The following SPPL3 variants were observed in gnomAD, a reference collection of about 807,000 sequenced individuals.
SPPL3 encodes the protein signal peptide peptidase like 3.
In SPPL3, 5 loss-of-function variants were observed where a neutral mutation model predicts 42.4. That is an observed-to-expected ratio of 0.12 (90% CI 0.06 to 0.25). SPPL3 has a LOEUF of 0.25. Ranked by LOEUF, SPPL3 falls within the 10% of genes least tolerant of loss-of-function variation. The pLI, the probability that SPPL3 is intolerant of heterozygous loss-of-function variation, is 1.00. For synonymous variants in SPPL3, 195 were observed against 181.8 expected, an observed-to-expected ratio of 1.07 and a Z score of -0.58; for missense variants, 235 against 489.0, an observed-to-expected ratio of 0.48 and a Z score of 4.90.
intron 4 of SPPL3, chr12:120,784,093 T>C (rs1179808962): frequency 7.7e-6 from 2 of 261,006 alleles, no homozygotes; most frequent in East Asian, 1.7e-4. Flanking sequence ...TCACTTTGAT[T>C]AGCTATCCAT....
At chr12:120,877,355 CATTCT>C (rs1469838859) in intron 1 of SPPL3, among the ~76,000 whole-genome samples, 4 of 152,166 alleles carry the variant, frequency 2.6e-5, no homozygotes, top group Admixed American at 1.3e-4. Context: ...CTTCCCAACT[CATTCT>C]ATAAGGCCAG....
At chr12:120,852,076 T>C (rs1872241824) in intron 1 of SPPL3, among the ~76,000 whole-genome samples, 1 of 119,530 alleles carries the variant, frequency 8.4e-6, no homozygotes, top group African/African-American at 3.1e-5. Context: ...TGTGTTTCAC[T>C]GAAGGTTAAA....
At chr12:120,829,994 CA>C (rs35847324) in intron 1 of SPPL3, among the ~76,000 whole-genome samples, 57,373 of 119,328 alleles carry the variant, frequency 0.48, 11,959 homozygotes, top group East Asian at 0.59. Context: ...AACTCCATCT[CA>C]AAAAAAAAAA....
intron 1 of SPPL3, among the ~76,000 whole-genome samples, chr12:120,840,485 T>C (rs879350904): frequency 5.3e-5 from 8 of 151,762 alleles, no homozygotes; most frequent in Non-Finnish European, 1.2e-4. Flanking sequence ...GAATGGAAAA[T>C]GAATGTTCAT....
intron 1 of SPPL3, among the ~76,000 whole-genome samples, chr12:120,823,457 C>A (rs945128069): frequency 6.6e-6 from 1 of 152,102 alleles, no homozygotes; most frequent in Non-Finnish European, 1.5e-5. Context: ...TTGATATCCC[C>A]GCTCCCCTTG....
At position 120,873,729 on chromosome 12, in the gene SPPL3, G is replaced by A. The variant is rs985926606; in HGVS notation, c.23+30116C>T. Among the ~76,000 whole-genome samples, 3 of 151,992 alleles carry A rather than the reference G, an allele frequency of 2.0e-5. No homozygotes were observed. In the South Asian group the frequency reaches 6.2e-4, roughly 32 times the overall value. On this transcript the variant is annotated intron_variant, in intron 1 of 10. Transcript: ENST00000353487. ...TCTAATAAAAATACAAAAATTAGCT[G>A]GGTGTGGTGGCACGTGCCTGTAATC...
chr12:120,768,214 A>AT, intron 8 of SPPL3, 111 bp downstream of exon 8: 1 of 1,338,704 alleles, frequency 7.5e-7, no homozygotes, highest in Non-Finnish European at 1.0e-6. Flanking sequence ...CAGCATGGAG[A>AT]TAATGGCCCC....
At chr12:120,829,279 T>C (rs964498161) in intron 1 of SPPL3, among the ~76,000 whole-genome samples, 1 of 152,166 alleles carries the variant, frequency 6.6e-6, no homozygotes, top group Admixed American at 6.5e-5. Flanking sequence ...GAAAATTTGA[T>C]AGGTCAGACC....
At chr12:120,778,109 C>G (rs372953608) in intron 6 of SPPL3, among the ~76,000 whole-genome samples, 1 of 80,590 alleles carries the variant, frequency 1.2e-5, no homozygotes, top group East Asian at 4.1e-4. Context: ...GACTGAAAAG[C>G]AATTTTTTTT....
chr12:120,848,918 T>G (rs574079473), intron 1 of SPPL3, among the ~76,000 whole-genome samples: 1 of 152,110 alleles, frequency 6.6e-6, no homozygotes, highest in East Asian at 1.9e-4. Context: ...TGTGTAACAC[T>G]CAATTTTGGT....
chr12:120,801,241 C>T (rs767526199), intron 2 of SPPL3, among the ~76,000 whole-genome samples: 3 of 152,176 alleles, frequency 2.0e-5, no homozygotes, highest in Admixed American at 6.5e-5. Flanking sequence ...CTCAGGGCTG[C>T]GACCTGTGAG....
chr12:120,903,714 G>A lies in SPPL3; in HGVS notation c.23+131C>T, dbSNP rs2137076278. 5.3e-6 allele frequency: 4 copies of A among 760,490 alleles called. No homozygotes were observed. In the South Asian group the frequency reaches 8.6e-5, roughly 16 times the overall value. The allele number at this position is 760,490 out of a possible 1,614,324, so 47.1% of individuals were successfully genotyped here. A position where few individuals can be genotyped will look rare whatever the true frequency, so the allele number is the denominator to read the frequency against. ...GCCCCCTCCGGTGGGGAAGAGGGGG[G>A]CGTGCACCCCAACCCGCGCCCCCCC... is the stretch of plus-strand genomic sequence containing the variant. On this transcript the variant is annotated intron_variant, in intron 1 of 10. Transcript: ENST00000353487.
chr12:120,877,665 C>T (rs966970587), intron 1 of SPPL3, among the ~76,000 whole-genome samples: 6 of 152,000 alleles, frequency 3.9e-5, no homozygotes, highest in African/African-American at 1.2e-4. Context: ...CCTGGAGTCT[C>T]AGCTACTCGG....
chr12:120,867,658 ATG>A (rs66843459), intron 1 of SPPL3, among the ~76,000 whole-genome samples: 136,978 of 151,038 alleles, frequency 0.91, 62,469 homozygotes, highest in East Asian at 1. Flanking sequence ...TGTCTTAAAA[ATG>A]TATATATATA....
At chr12:120,786,691 G>C (rs1246163409) in intron 3 of SPPL3, among the ~76,000 whole-genome samples, 2 of 151,898 alleles carry the variant, frequency 1.3e-5, no homozygotes, top group African/African-American at 4.8e-5. Flanking sequence ...ACCAGGAGGC[G>C]ATGTCACAGG....
chr12:120,897,116 AAATAC>A (rs2137071189), intron 1 of SPPL3, among the ~76,000 whole-genome samples: 1 of 152,312 alleles, frequency 6.6e-6, no homozygotes, highest in East Asian at 1.9e-4. Context: ...TGTTGAAATA[AAATAC>A]AATTATATAG....
intron 3 of SPPL3, among the ~76,000 whole-genome samples, chr12:120,787,713 A>C (rs1472241668): frequency 6.6e-6 from 1 of 152,002 alleles, no homozygotes; most frequent in Non-Finnish European, 1.5e-5. Context: ...CTTTTATGAC[A>C]CGTTTTCCAC....
At chr12:120,767,759 C>A (rs1868964475) in intron 8 of SPPL3, among the ~76,000 whole-genome samples, 166 bp from the exon 9 acceptor site, 1 of 152,172 alleles carries the variant, frequency 6.6e-6, no homozygotes, top group South Asian at 2.1e-4. Context: ...AGAGAAAAAG[C>A]TGCAACAGTA....
intron 1 of SPPL3, among the ~76,000 whole-genome samples, chr12:120,834,595 G>T (rs1005633855): frequency 2.4e-4 from 36 of 152,234 alleles, no homozygotes; most frequent in African/African-American, 8.4e-4. Context: ...TTCCTCTCCC[G>T]TCGCCATACT....
Sources: allele counts gnomAD v4.1 joint callset (sites outside exome capture counted in the v4.1 genomes callset), GRCh38; gene constraint gnomAD v4.1.1; transcripts MANE v1.5; gene names NCBI Gene and HGNC (gene_info 2026-07-23, HGNC 2026-07-21).